Variants in CPQ observed in about 807,000 individuals in gnomAD.
The protein encoded by CPQ is carboxypeptidase Q.
In CPQ, 37 loss-of-function variants were observed where a neutral mutation model predicts 45.7. That is an observed-to-expected ratio of 0.81 (90% CI 0.62 to 1.07). The LOEUF is 1.07. CPQ is among the 50% of genes least tolerant of loss of function. CPQ has a pLI of 0.00. For synonymous variants in CPQ, 186 were observed against 205.8 expected (o/e 0.90, Z 0.82); for missense variants, 537 against 572.9 (o/e 0.94, Z 0.64).
intron 1 of CPQ, among the ~76,000 whole-genome samples, chr8:96,758,735 T>G (rs554164166): frequency 6.3e-4 from 96 of 152,288 alleles, no homozygotes; most frequent in Non-Finnish European, 1.2e-3. Flanking sequence ...TCTGTTCATT[T>G]TTGTGTTTTT....
chr8:96,825,154 C>A (rs1811363256), intron 2 of CPQ, among the ~76,000 whole-genome samples: 1 of 151,944 alleles, frequency 6.6e-6, no homozygotes, highest in South Asian at 2.1e-4. Flanking sequence ...TTTCCTATGG[C>A]CATGGTATTA....
intron 6 of CPQ, among the ~76,000 whole-genome samples, chr8:97,057,852 AG>A (rs1183125964): frequency 1.3e-5 from 2 of 152,120 alleles, no homozygotes; most frequent in African/African-American, 4.8e-5. Context: ...CAAATTAGGG[AG>A]GGGTATGGAC....
In CPQ at chr8:96,854,557, A is replaced by AAAAAAAAC. The variant is rs1554573253; in HGVS notation, c.641+19379_641+19380insAAAAACAA. Among the ~76,000 whole-genome samples, 185 of 76,880 alleles carry AAAAAAAAC rather than the reference A, an allele frequency of 2.4e-3. 38 individuals are homozygous for AAAAAAAAC. The highest frequency in any genetic ancestry group is 8.7e-3 in the African/African-American group (174 of 20,032). The allele number at this position is 76,880 out of a possible 152,430, so 50.4% of individuals were successfully genotyped here. On this transcript the variant is annotated intron_variant, in intron 3 of 7. Transcript: ENST00000220763. ...AAAAAAAAAAAAAAAAAAAAAAAAA[A>AAAAAAAAC]AATGTGGTGGAACTAAAAGCCCAGT...
At chr8:96,963,417 T>C (rs1813496788) in intron 4 of CPQ, among the ~76,000 whole-genome samples, 1 of 152,206 alleles carries the variant, frequency 6.6e-6, no homozygotes, top group African/African-American at 2.4e-5. Flanking sequence ...TACATAGCCA[T>C]TTGTTAGTTT....
At chr8:96,656,741 C>T (rs943565580) in intron 1 of CPQ, among the ~76,000 whole-genome samples, 22 of 152,216 alleles carry the variant, frequency 1.4e-4, no homozygotes, top group African/African-American at 5.3e-4. Context: ...CTGACCTTCT[C>T]ATCATGTTTC....
chr8:97,072,242 C>T (rs1331816765), intron 7 of CPQ, among the ~76,000 whole-genome samples: 1 of 152,056 alleles, frequency 6.6e-6, no homozygotes, highest in Non-Finnish European at 1.5e-5. Flanking sequence ...AATTGGGATT[C>T]TTTAGGGAAA....
chr8:96,845,905 C>T (rs1586424042), intron 3 of CPQ, among the ~76,000 whole-genome samples: 1 of 152,148 alleles, frequency 6.6e-6, no homozygotes, highest in African/African-American at 2.4e-5. Context: ...CTGCAACCTC[C>T]GCCTCCTGGA....
chr8:97,105,334 G>T (rs1446170959), intron 7 of CPQ, among the ~76,000 whole-genome samples: 3 of 152,112 alleles, frequency 2.0e-5, no homozygotes, highest in Non-Finnish European at 4.4e-5. Flanking sequence ...TTTGTGACTG[G>T]CTTATTTCAC....
chr8:97,108,341 C>A (rs1811439874), intron 7 of CPQ, among the ~76,000 whole-genome samples: 1 of 152,108 alleles, frequency 6.6e-6, no homozygotes, highest in South Asian at 2.1e-4. Flanking sequence ...CTCCTACTGG[C>A]CTTTTGAATG....
chr8:96,986,759 G>T (rs1808990343), intron 5 of CPQ, among the ~76,000 whole-genome samples: 1 of 152,112 alleles, frequency 6.6e-6, no homozygotes, highest in African/African-American at 2.4e-5. Flanking sequence ...TTGCTAGGAG[G>T]ATAAATAATA....
chr8:96,926,757 C>T lies in CPQ; in HGVS notation c.850-39178C>T, dbSNP rs536767229. Among the ~76,000 whole-genome samples, 309 of 151,834 alleles carry T rather than the reference C, an allele frequency of 2.0e-3. 1 individual carries two copies. The highest frequency in any genetic ancestry group is 3.4e-3 in the Non-Finnish European group (233 of 67,988). On this transcript the variant is annotated intron_variant, in intron 4 of 7. Coordinates refer to ENST00000220763, the MANE Select transcript of CPQ (RefSeq NM_016134.4). The stretch of plus-strand genomic sequence containing the variant: ...GTTTATTACATAGGTATACACGTGC[C>T]ATGGTGGTTTGCTGCACCCATCAAC...
intron 5 of CPQ, among the ~76,000 whole-genome samples, chr8:96,978,898 TATTTCAATAAGAAGCTTTG>T (rs1813834403): frequency 6.6e-6 from 1 of 152,112 alleles, no homozygotes; most frequent in Non-Finnish European, 1.5e-5. Context: ...GGAGACGTCT[TATTTCAATAAGAAGCTTTG>T]ACTGCCCACT....
intron 2 of CPQ, among the ~76,000 whole-genome samples, chr8:96,822,697 A>G (rs900203403): frequency 6.6e-6 from 1 of 151,940 alleles, no homozygotes; most frequent in Non-Finnish European, 1.5e-5. Flanking sequence ...CTCCAGCCAC[A>G]AAAATCCTCT....
chr8:97,097,228 C>T (rs1273197149), intron 7 of CPQ, among the ~76,000 whole-genome samples: 1 of 152,012 alleles, frequency 6.6e-6, no homozygotes, highest in Non-Finnish European at 1.5e-5. Flanking sequence ...GGTATATTTT[C>T]TAAGGTCAAA....
At chr8:96,705,720 A>C (rs1260696232) in intron 1 of CPQ, among the ~76,000 whole-genome samples, 1 of 151,952 alleles carries the variant, frequency 6.6e-6, no homozygotes, top group East Asian at 1.9e-4. Context: ...TCTCTTGACT[A>C]TCTGTTTCCC....
At chr8:96,816,237 C>T (rs1178123362) in intron 2 of CPQ, among the ~76,000 whole-genome samples, 1 of 152,110 alleles carries the variant, frequency 6.6e-6, no homozygotes, top group Admixed American at 6.6e-5. Flanking sequence ...GTCATTTCAA[C>T]AATGTTCACA....
intron 4 of CPQ, among the ~76,000 whole-genome samples, chr8:96,947,952 G>C (rs757349360): frequency 9.2e-5 from 14 of 152,184 alleles, no homozygotes; most frequent in South Asian, 6.2e-4. Context: ...GGCCATTGTT[G>C]AGATGATGCC....
At position 96,747,734 on chromosome 8, in the gene CPQ, C is replaced by T. The variant is rs188971124; in HGVS notation, c.-34-37130C>T. ...GCAATGAGGTCAGTGGTTCTCAGAC[C>T]ATAGCCTTTGGAGTACATGGACCAG... is the stretch of plus-strand genomic sequence containing the variant. On this transcript the variant is annotated intron_variant, in intron 1 of 7. Coordinates refer to ENST00000220763, the MANE Select transcript of CPQ (RefSeq NM_016134.4). 2.1e-3 allele frequency among the ~76,000 whole-genome samples: 316 copies of T among 152,268 alleles called. 2 individuals are homozygous for T. Among genetic ancestry groups the T allele is most frequent in the South Asian group, 5.4e-3 (26 of 4,828 alleles).
At chr8:97,049,655 T>C (rs972853878) in intron 6 of CPQ, among the ~76,000 whole-genome samples, 1 of 152,186 alleles carries the variant, frequency 6.6e-6, no homozygotes, top group Non-Finnish European at 1.5e-5. Context: ...TTGTTAGTGG[T>C]GCGATTAAAA....
Sources: gnomAD v4.1 joint callset for allele counts (sites outside exome capture counted in the v4.1 genomes callset) on GRCh38, gnomAD v4.1.1 for gene constraint, MANE v1.5 for transcripts, NCBI Gene and HGNC (gene_info 2026-07-23, HGNC 2026-07-21) for gene names.